The following ADGRG2 variants were observed in gnomAD, a reference collection of about 807,000 sequenced individuals.
ADGRG2 encodes the protein G protein-coupled receptor 64.
A neutral mutation model predicts 74.1 loss-of-function variants in ADGRG2; 26 were observed. The observed-to-expected ratio is 0.35, with a 90% CI of 0.26 to 0.49. The LOEUF (loss-of-function observed/expected upper bound fraction) is 0.49, where lower values mean the gene tolerates loss of function less well. Among genes scored for constraint, ADGRG2 ranks in the 20% least tolerant of loss-of-function variants. ADGRG2 has a pLI of 0.99. For synonymous variants in ADGRG2, 296 were observed against 295.2 expected (o/e 1.00, Z -0.03); for missense variants, 619 against 763.1 (o/e 0.81, Z 2.22).
intron 22 of ADGRG2, among the ~76,000 whole-genome samples, chrX:19,005,157 G>A (rs1342433541): frequency 8.9e-6 from 1 of 112,116 alleles, no homozygotes; most frequent in Non-Finnish European, 1.9e-5. Flanking sequence ...GCATTATAGT[G>A]CAATGGAAAG....
chrX:19,051,544 G>T (rs6633194), intron 3 of ADGRG2, among the ~76,000 whole-genome samples: 55,314 of 110,803 alleles, frequency 0.5, 11,369 homozygotes, highest in Non-Finnish European at 0.65. Flanking sequence ...CTGTCAAGAG[G>T]TAGAACCTAT....
At chrX:19,015,508 C>A (rs901368601) in intron 15 of ADGRG2, among the ~76,000 whole-genome samples, 20 of 112,848 alleles carry the variant, frequency 1.8e-4, no homozygotes, top group African/African-American at 6.4e-4. Flanking sequence ...CACCTGTGGT[C>A]AGGAGTTTGC....
At position 19,110,706 on chromosome X, in the gene ADGRG2, C is replaced by CAA. The variant is rs61043602; in HGVS notation, c.-47+11734_-47+11735dup. The stretch of plus-strand genomic sequence containing the variant: ...ATCTCAAAAAAAAACAAAAAACAAA[C>CAA]AAAAAAAAAAAACAAAAAAACAGAA... On this transcript the variant is annotated intron_variant, in intron 1 of 28. Coordinates refer to ENST00000379869, the MANE Select transcript of ADGRG2 (RefSeq NM_001079858.3). 4.0e-3 allele frequency among the ~76,000 whole-genome samples: 339 copies of CAA among 83,903 alleles called. 2 individuals carry two copies. Among genetic ancestry groups the CAA allele is most frequent in the African/African-American group, 0.013 (326 of 24,537 alleles). The allele number at this position is 83,903 out of a possible 115,157, so 72.9% of individuals were successfully genotyped here.
intron 2 of ADGRG2, among the ~76,000 whole-genome samples, chrX:19,080,546 A>G (rs1274616144): frequency 1.8e-5 from 2 of 111,608 alleles, no homozygotes; most frequent in East Asian, 5.6e-4. Flanking sequence ...CGTGGAAGTA[A>G]TGCTAAGACC....
intron 2 of ADGRG2, among the ~76,000 whole-genome samples, chrX:19,075,485 G>A (rs1366424817): frequency 9.2e-6 from 1 of 108,545 alleles, no homozygotes; most frequent in Non-Finnish European, 1.9e-5. Flanking sequence ...AGGTGTGGTG[G>A]CGCCCACCTG....
intron 7 of ADGRG2, chrX:19,034,168 A>G (rs2060885537): frequency 8.9e-6 from 1 of 112,033 alleles, no homozygotes; most frequent in Non-Finnish European, 1.9e-5. Flanking sequence ...TGCTATTCTC[A>G]GAGAGGTCGA....
intron 16 of ADGRG2, among the ~76,000 whole-genome samples, chrX:19,011,499 T>C (rs979851094): frequency 3.6e-5 from 4 of 112,364 alleles, no homozygotes; most frequent in Non-Finnish European, 7.5e-5. Context: ...ATTTGTATCA[T>C]GTGTACAGGA....
chrX:19,101,342 G>A (rs1332436487), intron 1 of ADGRG2, among the ~76,000 whole-genome samples: 2 of 111,486 alleles, frequency 1.8e-5, no homozygotes, highest in Non-Finnish European at 3.8e-5. Context: ...AAGCTTAAAA[G>A]GCATGCGAGT....
At chrX:19,099,999 C>T (rs1054126504) in intron 1 of ADGRG2, among the ~76,000 whole-genome samples, 14 of 111,525 alleles carry the variant, frequency 1.3e-4, no homozygotes, top group Non-Finnish European at 9.4e-5. Flanking sequence ...CATGCCACTG[C>T]ATCCAGCCTG....
At chrX:18,996,222 A>G in intron 26 of ADGRG2, 70 bp from the exon 27 acceptor site, 1 of 526,849 alleles carries the variant, frequency 1.9e-6, no homozygotes, top group Non-Finnish European at 3.3e-6. Context: ...CACTTTGCAC[A>G]AAAGATATTA....
chrX:19,008,578 G>A (rs1463811288), intron 18 of ADGRG2, among the ~76,000 whole-genome samples: 2 of 110,380 alleles, frequency 1.8e-5, no homozygotes, highest in African/African-American at 6.6e-5. Flanking sequence ...AGGCAGGGGA[G>A]TATCTTGAAC....
chrX:19,108,624 G>C (rs1184868215), intron 1 of ADGRG2, among the ~76,000 whole-genome samples: 1 of 112,002 alleles, frequency 8.9e-6, no homozygotes, highest in Non-Finnish European at 1.9e-5. Flanking sequence ...GCAACGATAT[G>C]GAGGAAATTC....
chrX:19,028,740 G>A (rs1443124398), intron 9 of ADGRG2, among the ~76,000 whole-genome samples: 3 of 111,607 alleles, frequency 2.7e-5, no homozygotes, highest in Admixed American at 9.6e-5. Flanking sequence ...GCTGTCCTGC[G>A]CCGCATGTGG....
At chrX:19,064,571 A>G (rs2061536087) in intron 3 of ADGRG2, among the ~76,000 whole-genome samples, 1 of 112,311 alleles carries the variant, frequency 8.9e-6, no homozygotes, top group Non-Finnish European at 1.9e-5. Flanking sequence ...GTCCAAAGCT[A>G]TTGGAGGAGG....
chrX:19,040,121 T>C, intron 4 of ADGRG2, 68 bp downstream of exon 4: 2 of 723,906 alleles, frequency 2.8e-6, no homozygotes, highest in South Asian at 4.6e-5. Context: ...CTACATGCCA[T>C]GTTTCATAGA....
intron 3 of ADGRG2, among the ~76,000 whole-genome samples, chrX:19,049,452 T>G (rs79076534): frequency 0.46 from 45,900 of 99,093 alleles, 9,645 homozygotes; most frequent in Non-Finnish European, 0.63. Flanking sequence ...TTTTTTTTTT[T>G]TTTTTGTTGT....
At chrX:19,093,766 C>T (rs1487186581) in intron 1 of ADGRG2, among the ~76,000 whole-genome samples, 2 of 111,555 alleles carry the variant, frequency 1.8e-5, no homozygotes, top group Admixed American at 1.9e-4. Context: ...CCCAATAAAA[C>T]ATGCAAATTT....
intron 2 of ADGRG2, among the ~76,000 whole-genome samples, chrX:19,076,215 T>A (rs2061745688): frequency 1.8e-5 from 2 of 111,481 alleles, no homozygotes; most frequent in African/African-American, 6.5e-5. Flanking sequence ...GTCCTGGAAA[T>A]TGGCACAGAA....
chrX:19,112,898 C>T (rs367605017), intron 1 of ADGRG2, among the ~76,000 whole-genome samples: 1 of 102,770 alleles, frequency 9.7e-6, no homozygotes, highest in East Asian at 3.1e-4. Flanking sequence ...ATGGAGGTTG[C>T]AGTGAGCCGA....
Sources: gnomAD v4.1 joint callset for allele counts (sites outside exome capture counted in the v4.1 genomes callset) on GRCh38, gnomAD v4.1.1 for gene constraint, MANE v1.5 for transcripts, NCBI Gene and HGNC (gene_info 2026-07-23, HGNC 2026-07-21) for gene names.